The following RAD50 variants were observed in gnomAD, a reference collection of about 807,000 sequenced individuals.
RAD50 encodes RAD50 double strand break repair protein.
In RAD50, 132 loss-of-function variants were observed where a neutral mutation model predicts 168.8. The ratio of observed to expected loss-of-function variants is 0.78; its 90% CI spans 0.68 to 0.90. RAD50 has a LOEUF of 0.90. RAD50 is among the 40% of genes least tolerant of loss of function. The pLI is 0.00. For missense variants in RAD50, 1,347 were observed against 1,534.4 expected (o/e 0.88, Z 2.04); for synonymous variants, 525 against 497.4 (o/e 1.06, Z -0.74).
chr5:132,643,718 G>C lies in RAD50; in HGVS notation c.*1354G>C, dbSNP rs1336894787. 1 of 217,352 alleles carries C rather than the reference G, an allele frequency of 4.6e-6. No individual in the cohort carries two copies. Among genetic ancestry groups the C allele is most frequent in the Non-Finnish European group, 9.2e-6 (1 of 108,182 alleles). 13.5% of individuals were successfully genotyped at this position (217,352 alleles called of 1,614,324 possible). ...TAAGACAGAGTATCCTGGGGGTGGT[G>C]GTGGGGTGGGGGGGGGTCCTAAATG... is the stretch of plus-strand genomic sequence containing the variant. On this transcript the variant is annotated 3_prime_UTR_variant, in exon 25 of 25. Coordinates refer to ENST00000378823, the MANE Select transcript of RAD50 (RefSeq NM_005732.4).
Position 132,642,125 on chromosome 5 carries a change from A to G in RAD50, c.3753-53A>G. On this transcript the variant is annotated intron_variant, in intron 24 of 24. Coordinates refer to ENST00000378823, the MANE Select transcript of RAD50 (RefSeq NM_005732.4). ...AAGGTTTGCGGTGACTTTTCAAATC[A>G]AAGAAGGGGTTATGCTCTTTACTAA... The G allele has an allele frequency of 4.4e-6, 7 of 1,573,396 alleles. No individual in the cohort carries two copies. In the Middle Eastern group the frequency reaches 8.3e-4, roughly 188 times the overall value.
chr5:132,604,696 A>T, intron 15 of RAD50, 110 bp from the exon 16 acceptor site: 1 of 953,576 alleles, frequency 1.0e-6, no homozygotes, highest in Non-Finnish European at 1.6e-6. Flanking sequence ...GGTGGGGCCC[A>T]CAGAAATAGC....
intron 21 of RAD50, among the ~76,000 whole-genome samples, chr5:132,625,503 G>C (rs1419561397): frequency 1.3e-5 from 2 of 151,666 alleles, no homozygotes; most frequent in African/African-American, 4.9e-5. Context: ...ATCACATCAG[G>C]GTAAATGAGG....
At chr5:132,631,155 C>G (rs1751457374) in intron 21 of RAD50, among the ~76,000 whole-genome samples, 2 of 139,536 alleles carry the variant, frequency 1.4e-5, no homozygotes, top group African/African-American at 5.5e-5. Context: ...GAGTCTGGCT[C>G]TGTCACCCAG....
chr5:132,580,060 A>G lies in RAD50; in HGVS notation c.750A>G (p.Pro250=), dbSNP rs765546928. 6.2e-7 allele frequency: 1 copy of G among 1,607,366 alleles called. No homozygotes were observed. The highest frequency in any genetic ancestry group is 8.5e-7 in the Non-Finnish European group (1 of 1,174,036). The change falls in exon 5 of 25, where the codon CCA becomes CCG. Residue 250 remains proline, a synonymous_variant. Coordinates refer to ENST00000378823, the MANE Select transcript of RAD50 (RefSeq NM_005732.4). ...AATCCTATGAGAATGAACTTGATCC[A>G]TTGAAGGTAACTTGATTTTATTTTT... ...IVKSYENELD[P]LKNRLKEIEH...
At chr5:132,585,215 T>C (rs1014360696) in intron 5 of RAD50, among the ~76,000 whole-genome samples, 3 of 152,184 alleles carry the variant, frequency 2.0e-5, no homozygotes, top group Non-Finnish European at 4.4e-5. Context: ...GTGGTAAATA[T>C]ATGTTTAACC....
At chr5:132,641,177 G>A (rs1751712478) in intron 24 of RAD50, among the ~76,000 whole-genome samples, 1 of 152,214 alleles carries the variant, frequency 6.6e-6, no homozygotes, top group Admixed American at 6.5e-5. Context: ...GGTAGTGGTA[G>A]TGGGTTTAGG....
At chr5:132,566,933 G>T (rs1029192416) in intron 2 of RAD50, among the ~76,000 whole-genome samples, 1 of 152,138 alleles carries the variant, frequency 6.6e-6, no homozygotes, top group African/African-American at 2.4e-5. Flanking sequence ...AGCTGTCCTA[G>T]ATAGGTTAGA....
At chr5:132,638,484 G>C (rs970059285) in intron 23 of RAD50, among the ~76,000 whole-genome samples, 8 of 145,982 alleles carry the variant, frequency 5.5e-5, no homozygotes, top group Admixed American at 1.3e-4. Context: ...AGAAGCTGAA[G>C]ACCCGTTAGA....
Position 132,609,309 on chromosome 5 carries a change from A to G in RAD50, c.2949A>G (p.Val983=), listed in dbSNP as rs371257256. The stretch of plus-strand genomic sequence containing the variant: ...AAAAAGAAACTGAACTTAATAAAGT[A>G]ATAGCTCAACTAAGTGAATGCGAGA... ...KKQKETELNK[V]IAQLSECEKH... is the part of the protein sequence containing the mutation. Residue 983 remains valine, a synonymous_variant, in exon 19 of 25, where the codon GTA becomes GTG. Coordinates refer to ENST00000378823, the MANE Select transcript of RAD50 (RefSeq NM_005732.4). 4 of 1,613,338 alleles carry G rather than the reference A, an allele frequency of 2.5e-6. No homozygotes were observed. In the Admixed American group the frequency reaches 5.0e-5, roughly 20 times the overall value.
chr5:132,588,553 G>C lies in RAD50; in HGVS notation c.1052-134G>C. ...ATATTTTACTGCAGTTTTGCAAAATGTTATCATTGGGAGAAACTGGGCAAA... is the reference window on the plus strand; with the variant it reads ...ATATTTTACTGCAGTTTTGCAAAATCTTATCATTGGGAGAAACTGGGCAAA... On this transcript the variant is annotated intron_variant, in intron 7 of 24. Coordinates refer to ENST00000378823, the MANE Select transcript of RAD50 (RefSeq NM_005732.4). 3.5e-6 allele frequency: 3 copies of C among 860,228 alleles called. No individual in the cohort carries two copies. The South Asian group carries it at 5.3e-5, about 15-fold the overall frequency. 53.3% of individuals were successfully genotyped at this position (860,228 alleles called of 1,614,324 possible). A position where few individuals can be genotyped will look rare whatever the true frequency, so the allele number is the denominator to read the frequency against.
chr5:132,636,257 G>A (rs77039071), intron 21 of RAD50, among the ~76,000 whole-genome samples: 3,071 of 152,168 alleles, frequency 0.02, 90 homozygotes, highest in African/African-American at 0.065. Flanking sequence ...GACTGTGGTG[G>A]GAACAATGTT....
rs762562316 is a variant in RAD50 at position 132,579,907 on chromosome 5, A to C, written c.597A>C (p.Gln199His). The change falls in exon 5 of 25, where the codon CAA (glutamine) becomes CAC (histidine). Residue 199 changes from glutamine to histidine, a missense_variant. Gln to His is a conservative substitution (Grantham distance 24). This residue lies in a region of RAD50 where 703 missense variants were observed against 767.7 expected (regional missense o/e 0.92). Coordinates refer to ENST00000378823, the MANE Select transcript of RAD50 (RefSeq NM_005732.4). The part of the protein sequence containing the change: ...LETLRQVRQT[Q>H]GQKVKEYQME... ...CACTTCGGCAGGTACGTCAGACACAAGGTCAGAAAGTAAAAGAATATCAAA... is the reference window on the plus strand; with the variant it reads ...CACTTCGGCAGGTACGTCAGACACACGGTCAGAAAGTAAAAGAATATCAAA... The C allele has an allele frequency of 6.2e-7, 1 of 1,612,962 alleles. No homozygotes were observed. Among genetic ancestry groups the C allele is most frequent in the East Asian group, 2.2e-5 (1 of 44,804 alleles).
intron 19 of RAD50, among the ~76,000 whole-genome samples, chr5:132,610,027 G>GTATATA (rs10598599): frequency 1.3e-5 from 2 of 148,390 alleles, no homozygotes; most frequent in African/African-American, 4.9e-5. Context: ...AGGTGTGTGT[G>GTATATA]TATATATATA....
intron 5 of RAD50, 121 bp from the exon 6 acceptor site, chr5:132,587,441 G>A (rs894103428): frequency 7.0e-7 from 1 of 1,419,670 alleles, no homozygotes; most frequent in Non-Finnish European, 9.4e-7. Context: ...CAGTGTTATT[G>A]TTAGCCTTAA....
intron 16 of RAD50, 109 bp from the exon 17 acceptor site, chr5:132,608,506 C>T (rs1751022445): frequency 1.0e-6 from 1 of 958,332 alleles, no homozygotes; most frequent in African/African-American, 1.7e-5. Flanking sequence ...AATGAGTTGA[C>T]TTTTAGAGCC....
intron 2 of RAD50, among the ~76,000 whole-genome samples, chr5:132,567,277 C>G (rs1344322403): frequency 6.6e-6 from 1 of 151,886 alleles, no homozygotes; most frequent in Non-Finnish European, 1.5e-5. Context: ...AACTGTAACA[C>G]TGGAAAAGTA....
At chr5:132,600,892 A>G (rs1399672476) in intron 13 of RAD50, among the ~76,000 whole-genome samples, 1 of 152,244 alleles carries the variant, frequency 6.6e-6, no homozygotes, top group Non-Finnish European at 1.5e-5. Flanking sequence ...GTGTACATAT[A>G]TCAGAACATC....
intron 2 of RAD50, among the ~76,000 whole-genome samples, chr5:132,567,621 A>G (rs1750230684): frequency 6.6e-6 from 1 of 152,318 alleles, no homozygotes; most frequent in South Asian, 2.1e-4. Flanking sequence ...CTATCCATGT[A>G]TAGGATGAGA....
Sources: gnomAD v4.1 joint callset for allele counts (sites outside exome capture counted in the v4.1 genomes callset) on GRCh38, gnomAD v4.1.1 for gene constraint, gnomAD v4.1.1 regional missense constraint, MANE v1.5 for transcripts, NCBI Gene and HGNC (gene_info 2026-07-23, HGNC 2026-07-21) for gene names.